The following THADA variants were observed in gnomAD, a reference collection of about 807,000 sequenced individuals.
THADA encodes THADA armadillo repeat containing, also known as tRNA (32-2'-O)-methyltransferase regulator THADA.
Under a neutral mutation model 219.8 loss-of-function variants are expected in THADA, and 213 were observed. The ratio of observed to expected loss-of-function variants is 0.97; its 90% CI spans 0.87 to 1.09. THADA has a LOEUF of 1.09. THADA is among the 50% of genes least tolerant of loss of function. The pLI, the probability that THADA is intolerant of heterozygous loss-of-function variation, is 0.00. For synonymous variants in THADA, 1,018 were observed against 828.9 expected (o/e 1.23, Z -3.92); for missense variants, 2,956 against 2,311.3 (o/e 1.28, Z -5.72).
rs775391450 is a variant in THADA, at chr2:43,293,090, C to G, written c.4562G>C (p.Arg1521Thr). 3 of 1,613,984 alleles carry G rather than the reference C, an allele frequency of 1.9e-6. No individual in the cohort carries two copies. Among genetic ancestry groups the G allele is most frequent in the South Asian group, 2.2e-5 (2 of 91,080 alleles). Residue 1521 changes from arginine to threonine, a missense_variant, in exon 32 of 38, where the codon AGA becomes ACA. Physicochemically the swap from Arg to Thr is moderately conservative, Grantham distance 71. Coordinates refer to ENST00000405975, the MANE Select transcript of THADA (RefSeq NM_022065.5). ...GGCCCACACTGCAGCAATGGCTAGTCTGGTGAGGCTCTGGAGGTACTGGGG... is the reference window on the plus strand; with the variant it reads ...GGCCCACACTGCAGCAATGGCTAGTGTGGTGAGGCTCTGGAGGTACTGGGG... The part of the protein sequence containing the change: ...GLPQYLQSLT[R>T]LAIAAVWAAA...
intron 26 of THADA, among the ~76,000 whole-genome samples, chr2:43,433,211 G>GA (rs34247439): frequency 8.8e-5 from 13 of 147,336 alleles, no homozygotes; most frequent in East Asian, 3.9e-4. Context: ...ATTTTTTTTG[G>GA]AAAAAAAAAA....
intron 30 of THADA, among the ~76,000 whole-genome samples, chr2:43,330,839 A>T (rs1160783317): frequency 6.6e-6 from 1 of 152,198 alleles, no homozygotes; most frequent in Non-Finnish European, 1.5e-5. Flanking sequence ...AGGCCTCGGG[A>T]GAGGAAGAAA....
At chr2:43,285,724 T>C (rs1673921534) in intron 35 of THADA, among the ~76,000 whole-genome samples, 2 of 152,162 alleles carry the variant, frequency 1.3e-5, no homozygotes, top group Admixed American at 6.5e-5. Flanking sequence ...CTAATTTTTG[T>C]ATTTTTAGTA....
At position 43,549,318 on chromosome 2, in the gene THADA, T is replaced by G; in HGVS notation, c.2998A>C (p.Thr1000Pro). 2 of 1,602,508 alleles carry G rather than the reference T, an allele frequency of 1.2e-6. No homozygotes were observed. Among genetic ancestry groups the G allele is most frequent in the Non-Finnish European group, 1.7e-6 (2 of 1,174,716 alleles). ...MILNEIQPRDTNDYFNQAKIL... is the reference protein window; with the variant it reads ...MILNEIQPRDPNDYFNQAKIL... ...TTGGCTTGGTTAAAATAATCATTAG[T>G]ATCTCGAGGCTGAATCTCATTCAGA... The change falls in exon 20 of 38, where the codon ACT (threonine) becomes CCT (proline). Residue 1000 changes from threonine to proline, a missense_variant. Physicochemically the swap from Thr to Pro is conservative, Grantham distance 38. Coordinates refer to ENST00000405975, the MANE Select transcript of THADA (RefSeq NM_022065.5).
chr2:43,542,542 G>A (rs991072199), intron 20 of THADA, among the ~76,000 whole-genome samples: 12 of 152,164 alleles, frequency 7.9e-5, no homozygotes, highest in Non-Finnish European at 1.8e-4. Context: ...CAGCACTGCA[G>A]AAAATTCAGT....
At chr2:43,496,105 A>C (rs1688245967) in intron 25 of THADA, among the ~76,000 whole-genome samples, 1 of 152,206 alleles carries the variant, frequency 6.6e-6, no homozygotes, top group Non-Finnish European at 1.5e-5. Context: ...TGTGCAGCTT[A>C]CTAACTGGAA....
intron 21 of THADA, among the ~76,000 whole-genome samples, chr2:43,532,609 A>G (rs1694029266): frequency 6.6e-6 from 1 of 152,172 alleles, no homozygotes; most frequent in Non-Finnish European, 1.5e-5. Flanking sequence ...TCTCAAAATA[A>G]TAAGAGCTAT....
chr2:43,576,893 G>A, intron 10 of THADA, 129 bp downstream of exon 10: 1 of 777,160 alleles, frequency 1.3e-6, no homozygotes, highest in Non-Finnish European at 2.1e-6. Context: ...GGCCTCAAGT[G>A]ATCCTCTTGC....
chr2:43,365,802 G>C lies in THADA; in HGVS notation c.4228-21565C>G, dbSNP rs73923587. On this transcript the variant is annotated intron_variant, in intron 29 of 37. Coordinates refer to ENST00000405975, the MANE Select transcript of THADA (RefSeq NM_022065.5). ...AACTGGGTGAATGGTAGTCTCATTTGCTGAAGATGGAAAGGCCAGGACTGT... is the reference window on the plus strand; with the variant it reads ...AACTGGGTGAATGGTAGTCTCATTTCCTGAAGATGGAAAGGCCAGGACTGT... 6.2e-3 allele frequency among the ~76,000 whole-genome samples: 950 copies of C among 152,258 alleles called. 13 individuals are homozygous for C. Among genetic ancestry groups the C allele is most frequent in the African/African-American group, 0.022 (922 of 41,544 alleles).
At chr2:43,478,639 G>A (rs1471285577) in intron 26 of THADA, among the ~76,000 whole-genome samples, 1 of 152,132 alleles carries the variant, frequency 6.6e-6, no homozygotes, top group African/African-American at 2.4e-5. Context: ...AAATTCCATA[G>A]AACATGCTCA....
At chr2:43,510,545 C>T (rs1690277122) in intron 22 of THADA, among the ~76,000 whole-genome samples, 1 of 151,566 alleles carries the variant, frequency 6.6e-6, no homozygotes, top group African/African-American at 2.4e-5. Flanking sequence ...ATATTGCCAG[C>T]TTGATATAAT....
chr2:43,491,461 A>T (rs182461940), intron 25 of THADA, among the ~76,000 whole-genome samples: 21 of 152,356 alleles, frequency 1.4e-4, no homozygotes, highest in Admixed American at 1.0e-3. Context: ...TAATAGCTGT[A>T]ATGAACCACA....
In THADA at chr2:43,231,307, T is replaced by C. The variant is rs1234982645; in HGVS notation, c.5503A>G (p.Asn1835Asp). 1.9e-6 allele frequency: 3 copies of C among 1,570,318 alleles called. No individual in the cohort carries two copies. Among genetic ancestry groups the C allele is most frequent in the Non-Finnish European group, 1.7e-6 (2 of 1,162,582 alleles). The change falls in exon 38 of 38, where the codon AAC (asparagine) becomes GAC (aspartate). Residue 1835 changes from asparagine to aspartate, a missense_variant. By Grantham distance (23) the Asn-to-Asp change is conservative. Transcript: ENST00000405975. ...EDYLFEKAEV[N>D]FWAETLIFVK... ...AAGATCAGGGTCTCGGCCCAAAAGT[T>C]GACTTCTGCTTTTTCAAACAGGTAG...
At chr2:43,459,391 C>A (rs1683372898) in intron 26 of THADA, among the ~76,000 whole-genome samples, 1 of 151,522 alleles carries the variant, frequency 6.6e-6, no homozygotes, top group South Asian at 2.1e-4. Context: ...GTTTACATCC[C>A]TTGTTGTAGA....
chr2:43,424,854 A>G (rs1177671562), intron 28 of THADA, among the ~76,000 whole-genome samples: 2 of 152,158 alleles, frequency 1.3e-5, no homozygotes, highest in Non-Finnish European at 2.9e-5. Flanking sequence ...GATTGTCACC[A>G]TGTGCCACAC....
intron 22 of THADA, among the ~76,000 whole-genome samples, chr2:43,513,927 GCTCACATCTGTAGT>G (rs1344641033): frequency 6.6e-6 from 1 of 151,848 alleles, no homozygotes; most frequent in Non-Finnish European, 1.5e-5. Context: ...GGGCATGGTG[GCTCACATCTGTAGT>G]CTCAGCAACT....
intron 26 of THADA, among the ~76,000 whole-genome samples, chr2:43,463,837 G>C (rs1416422908): frequency 2.6e-5 from 4 of 152,164 alleles, no homozygotes; most frequent in African/African-American, 9.7e-5. Context: ...GGGAAGGAAA[G>C]AGCAGGATGG....
At chr2:43,266,314 G>C (rs1291375334) in intron 36 of THADA, among the ~76,000 whole-genome samples, 1 of 152,218 alleles carries the variant, frequency 6.6e-6, no homozygotes, top group Non-Finnish European at 1.5e-5. Context: ...GCTCCGGGCT[G>C]GGCATGGTGG....
At chr2:43,519,097 C>A (rs1692095981) in intron 22 of THADA, among the ~76,000 whole-genome samples, 1 of 151,934 alleles carries the variant, frequency 6.6e-6, no homozygotes, top group Non-Finnish European at 1.5e-5. Flanking sequence ...ATAGACAGTT[C>A]AGTGAGCGGA....
Sources: allele counts gnomAD v4.1 joint callset (sites outside exome capture counted in the v4.1 genomes callset), GRCh38; gene constraint gnomAD v4.1.1; transcripts MANE v1.5; gene names NCBI Gene and HGNC (gene_info 2026-07-23, HGNC 2026-07-21).